The following GRK7 variants were observed in gnomAD, a reference collection of about 807,000 sequenced individuals.
GRK7 encodes the protein G protein-coupled receptor kinase 7, also known as rhodopsin kinase GRK7.
Under a neutral mutation model 34.1 loss-of-function variants are expected in GRK7, and 24 were observed. The ratio of observed to expected loss-of-function variants is 0.70; its 90% CI spans 0.51 to 0.99. The LOEUF (loss-of-function observed/expected upper bound fraction) is 0.99. Among genes scored for constraint, GRK7 ranks in the 50% least tolerant of loss-of-function variants. The pLI is 0.00. For missense variants in GRK7, 644 were observed against 707.3 expected (o/e 0.91, Z 1.02); for synonymous variants, 256 against 279.4 (o/e 0.92, Z 0.84).
intron 5 of GRK7, among the ~76,000 whole-genome samples, chr3:141,811,124 G>A (rs1333544561): frequency 2.0e-5 from 3 of 151,998 alleles, no homozygotes; most frequent in Non-Finnish European, 1.5e-5. Context: ...AGACCAGGTT[G>A]GCCAACATGA....
At chr3:141,791,654 A>T (rs750389366) in intron 4 of GRK7, among the ~76,000 whole-genome samples, 1 of 152,058 alleles carries the variant, frequency 6.6e-6, no homozygotes, top group Non-Finnish European at 1.5e-5. Context: ...TCACTCACTC[A>T]CTTGTTTATT....
intron 4 of GRK7, among the ~76,000 whole-genome samples, chr3:141,802,522 T>C (rs1271567145): frequency 6.6e-6 from 1 of 152,142 alleles, no homozygotes; most frequent in Non-Finnish European, 1.5e-5. Context: ...AGTATGTCCT[T>C]GAGAAATTTC....
chr3:141,765,136 G>A lies in GRK7; in HGVS notation c.-817G>A, dbSNP rs1559837220. 1.3e-5 allele frequency among the ~76,000 whole-genome samples: 2 copies of A among 152,182 alleles called. No individual in the cohort carries two copies. The highest frequency in any genetic ancestry group is 2.4e-5 in the African/African-American group (1 of 41,438). On this transcript the variant is annotated 5_prime_UTR_variant, in exon 1 of 6. Coordinates refer to ENST00000682958, the MANE Select transcript of GRK7 (RefSeq NM_139209.3). ...GTGATCAGTACTGCCTCACTGGTCT[G>A]CTCTGTTTCCTCTCTGAGGACATTT...
intron 1 of GRK7, among the ~76,000 whole-genome samples, chr3:141,771,785 A>G: frequency 6.6e-6 from 1 of 152,064 alleles, no homozygotes. Flanking sequence ...CCTGGGTTCA[A>G]GCAATTCTTC....
chr3:141,811,336 A>G (rs902640421), intron 5 of GRK7, among the ~76,000 whole-genome samples: 8 of 152,160 alleles, frequency 5.3e-5, no homozygotes, highest in Non-Finnish European at 1.0e-4. Flanking sequence ...AATTAAAAAA[A>G]CAAAAATAAA....
At chr3:141,807,600 T>G in intron 4 of GRK7, 45 bp from the exon 5 acceptor site, 1 of 1,552,316 alleles carries the variant, frequency 6.4e-7, no homozygotes, top group African/African-American at 1.4e-5. Flanking sequence ...CTCACCTTAG[T>G]GTCTTTGTTC....
the GRK7 span, among the ~76,000 whole-genome samples, chr3:141,750,101 C>A: frequency 6.3e-4 from 96 of 152,068 alleles, 1 homozygote; most frequent in African/African-American, 2.1e-3. Context: ...GAAAATTAAC[C>A]TTTTTCTATT....
chr3:141,762,857 AG>A (rs1480162805), upstream of GRK7, among the ~76,000 whole-genome samples: 1 of 152,166 alleles, frequency 6.6e-6, no homozygotes, highest in Non-Finnish European at 1.5e-5. Flanking sequence ...CGGTCTGAAA[AG>A]CGCAATATTC....
intron 4 of GRK7, among the ~76,000 whole-genome samples, chr3:141,791,768 C>T (rs2084725168): frequency 6.6e-6 from 1 of 151,956 alleles, no homozygotes; most frequent in Non-Finnish European, 1.5e-5. Context: ...CTTTGGGAGG[C>T]CAAGGTGGGC....
At chr3:141,783,535 G>T (rs2084681974) in intron 4 of GRK7, among the ~76,000 whole-genome samples, 1 of 152,216 alleles carries the variant, frequency 6.6e-6, no homozygotes, top group South Asian at 2.1e-4. Flanking sequence ...AGTGTCAAGT[G>T]TTGCAAAGAG....
At chr3:141,815,628 A>C (rs1205958988) in intron 5 of GRK7, among the ~76,000 whole-genome samples, 1 of 151,682 alleles carries the variant, frequency 6.6e-6, no homozygotes, top group African/African-American at 2.4e-5. Context: ...AAGAAATAGA[A>C]TATGGCAGAA....
intron 4 of GRK7, among the ~76,000 whole-genome samples, chr3:141,804,688 C>T (rs1711006486): frequency 6.6e-6 from 1 of 151,706 alleles, no homozygotes; most frequent in South Asian, 2.1e-4. Context: ...CACACATACA[C>T]ACATGCTCTC....
At chr3:141,750,808 A>G in the GRK7 span, among the ~76,000 whole-genome samples, 1 of 151,466 alleles carries the variant, frequency 6.6e-6, no homozygotes, top group Non-Finnish European at 1.5e-5. Flanking sequence ...CCCATCAGCA[A>G]CAATAGGTTC....
chr3:141,817,921 A>G lies in GRK7; in HGVS notation c.*871A>G, dbSNP rs1250049646. 2 of 152,234 alleles carry G rather than the reference A, an allele frequency of 1.3e-5. No homozygotes were observed. The highest frequency in any genetic ancestry group is 6.5e-5 in the Admixed American group (1 of 15,280). The allele number at this position is 152,234 out of a possible 1,614,324, so 9.4% of individuals were successfully genotyped here. On this transcript the variant is annotated 3_prime_UTR_variant, in exon 6 of 6. Coordinates refer to ENST00000682958, the MANE Select transcript of GRK7 (RefSeq NM_139209.3). ...CCCAGGTGATTCTAATGTGCAGCAG[A>G]GTTTGGCAGGCACTGCTGTGCACAT... is the stretch of plus-strand genomic sequence containing the variant.
intron 4 of GRK7, among the ~76,000 whole-genome samples, chr3:141,784,028 G>T (rs75996912): frequency 0.043 from 6,577 of 152,246 alleles, 450 homozygotes; most frequent in African/African-American, 0.15. Context: ...TTCCTTCTGA[G>T]TCGCCCATGG....
chr3:141,765,369 C>T lies in GRK7; in HGVS notation c.-584C>T, dbSNP rs1193133262. Among the ~76,000 whole-genome samples, 1 of 152,162 alleles carries T rather than the reference C, an allele frequency of 6.6e-6. No individual in the cohort carries two copies. Among genetic ancestry groups the T allele is most frequent in the African/African-American group, 2.4e-5 (1 of 41,436 alleles). ...TGACCACCCTATTTAAAAGTGAAGC[C>T]TTCTCCCTGGTGTATCTCAGCACTT... On this transcript the variant is annotated 5_prime_UTR_variant, in exon 1 of 6. Transcript: ENST00000682958.
At chr3:141,759,907 G>T (rs1291331180), upstream of GRK7, among the ~76,000 whole-genome samples, 83 of 69,234 alleles carry the variant, frequency 1.2e-3, no homozygotes, top group African/African-American at 4.5e-3. Context: ...GTCGAGGAAT[G>T]TATCCATTTC....
intron 5 of GRK7, among the ~76,000 whole-genome samples, chr3:141,811,366 T>A (rs1166319525): frequency 1.3e-5 from 2 of 151,980 alleles, no homozygotes; most frequent in Non-Finnish European, 2.9e-5. Context: ...ATCTTAATAC[T>A]CTATAAGCAG....
chr3:141,756,237 A>C, the GRK7 span, among the ~76,000 whole-genome samples: 3 of 150,292 alleles, frequency 2.0e-5, no homozygotes, highest in Non-Finnish European at 2.9e-5. Flanking sequence ...GCTTGAACCC[A>C]GGAGGTGGAG....
Sources: gnomAD v4.1 joint callset for allele counts (sites outside exome capture counted in the v4.1 genomes callset) on GRCh38, gnomAD v4.1.1 for gene constraint, MANE v1.5 for transcripts, NCBI Gene and HGNC (gene_info 2026-07-23, HGNC 2026-07-21) for gene names.